ZNF385B: variants seen among roughly 807,000 people sequenced by gnomAD.
ZNF385B encodes the protein zinc finger protein 533.
In ZNF385B, 23 loss-of-function variants were observed where a neutral mutation model predicts 39.2. The ratio of observed to expected loss-of-function variants is 0.59; its 90% CI spans 0.42 to 0.83. ZNF385B has a LOEUF of 0.83. Among genes scored for constraint, ZNF385B ranks in the 40% least tolerant of loss-of-function variants. The pLI is 0.00. For synonymous variants in ZNF385B, 205 were observed against 222.6 expected (o/e 0.92, Z 0.70); for missense variants, 552 against 598.9 (o/e 0.92, Z 0.82).
At chr2:179,728,074 C>A (rs1294475929) in intron 3 of ZNF385B, among the ~76,000 whole-genome samples, 1 of 152,012 alleles carries the variant, frequency 6.6e-6, no homozygotes, top group African/African-American at 2.4e-5. Flanking sequence ...GAGCAACTGC[C>A]TTTTTGTCAG....
chr2:179,518,639 C>A lies in ZNF385B; in HGVS notation c.442-1G>T, dbSNP rs2058264438. The A allele has an allele frequency of 6.4e-7, 1 of 1,563,090 alleles. No individual in the cohort carries two copies. Among genetic ancestry groups the A allele is most frequent in the Admixed American group, 2.1e-5 (1 of 48,592 alleles). On this transcript the variant is annotated splice_acceptor_variant, in intron 4 of 9. Transcript: ENST00000410066. LOFTEE classifies it high-confidence loss of function. ...TAACCGCTTTTTGCACAGGATCCAT[C>A]TGAAGAACAAATGAAAAAATAGTCA...
intron 3 of ZNF385B, among the ~76,000 whole-genome samples, chr2:179,583,158 T>C (rs1253674220): frequency 6.6e-6 from 1 of 152,116 alleles, no homozygotes; most frequent in Non-Finnish European, 1.5e-5. Context: ...GTCTGCTGCT[T>C]GCCACATAGA....
chr2:179,784,264 G>A (rs1252767778), intron 1 of ZNF385B, among the ~76,000 whole-genome samples: 1 of 151,942 alleles, frequency 6.6e-6, no homozygotes, highest in Non-Finnish European at 1.5e-5. Context: ...TAAGTGAGAT[G>A]ATAAGAACTT....
intron 5 of ZNF385B, among the ~76,000 whole-genome samples, chr2:179,516,112 T>G (rs751613992): frequency 8.3e-4 from 5 of 6,034 alleles, no homozygotes; most frequent in Non-Finnish European, 3.2e-3. Flanking sequence ...TCTTTTTACT[T>G]TTACTTTATT....
intron 3 of ZNF385B, among the ~76,000 whole-genome samples, chr2:179,669,270 C>T (rs1330102859): frequency 2.0e-5 from 3 of 152,204 alleles, no homozygotes; most frequent in South Asian, 2.1e-4. Context: ...GCCCTGCAGC[C>T]GGACCCTTTA....
chr2:179,592,884 G>A (rs1290623016), intron 3 of ZNF385B, among the ~76,000 whole-genome samples: 3 of 151,930 alleles, frequency 2.0e-5, no homozygotes, highest in Admixed American at 2.0e-4. Flanking sequence ...AAGTCTCTAC[G>A]ACCTTATATT....
chr2:179,495,848 T>C (rs1481723775), intron 5 of ZNF385B, among the ~76,000 whole-genome samples: 3 of 152,130 alleles, frequency 2.0e-5, no homozygotes, highest in Admixed American at 2.0e-4. Flanking sequence ...ACCCAAGTCC[T>C]TTCAAATATC....
In ZNF385B at chr2:179,769,484, C is replaced by T. The variant is rs1042230474; in HGVS notation, c.298+19G>A. The T allele has an allele frequency of 9.9e-6, 16 of 1,612,110 alleles. No individual in the cohort carries two copies. The highest frequency in any genetic ancestry group is 5.0e-5 in the Admixed American group (3 of 60,008). On this transcript the variant is annotated intron_variant, in intron 3 of 9. Transcript: ENST00000410066. Reference sequence around the variant, plus strand: ...CATCTCTCCCCGCAGCACATGGAACCCGGGACCCTGCCTCCTACCTGTGCT... The same window carrying T: ...CATCTCTCCCCGCAGCACATGGAACTCGGGACCCTGCCTCCTACCTGTGCT...
At chr2:179,455,915 G>A (rs1243257886) in intron 6 of ZNF385B, among the ~76,000 whole-genome samples, 2 of 151,332 alleles carry the variant, frequency 1.3e-5, no homozygotes, top group South Asian at 2.1e-4. Flanking sequence ...TCCAGTCTCG[G>A]GTATGTCTTT....
chr2:179,788,219 A>C (rs976845061), intron 1 of ZNF385B, among the ~76,000 whole-genome samples: 3 of 152,198 alleles, frequency 2.0e-5, no homozygotes, highest in Admixed American at 2.0e-4. Flanking sequence ...ACACACGCAC[A>C]CACACATAAT....
At chr2:179,773,579 A>C (rs1260987619) in intron 1 of ZNF385B, among the ~76,000 whole-genome samples, 2 of 152,148 alleles carry the variant, frequency 1.3e-5, no homozygotes, top group Non-Finnish European at 1.5e-5. Flanking sequence ...CACAATTCTT[A>C]TATTATTGGT....
At chr2:179,491,020 C>T (rs901752811) in intron 5 of ZNF385B, among the ~76,000 whole-genome samples, 5 of 152,106 alleles carry the variant, frequency 3.3e-5, no homozygotes, top group Non-Finnish European at 2.9e-5. Flanking sequence ...TAAAGTTAAT[C>T]TCAGATGATT....
chr2:179,599,972 A>G (rs1322905029), intron 3 of ZNF385B, among the ~76,000 whole-genome samples: 2 of 152,204 alleles, frequency 1.3e-5, no homozygotes, highest in African/African-American at 2.4e-5. Flanking sequence ...TTCATGGTAC[A>G]TGGATTGCGT....
intron 4 of ZNF385B, among the ~76,000 whole-genome samples, chr2:179,543,653 C>T (rs1486987240): frequency 2.0e-5 from 3 of 151,914 alleles, no homozygotes; most frequent in African/African-American, 4.8e-5. Context: ...GAACAATGCT[C>T]GCCTTTTGTA....
intron 3 of ZNF385B, among the ~76,000 whole-genome samples, chr2:179,667,660 T>G (rs187528549): frequency 1.3e-5 from 2 of 152,270 alleles, no homozygotes; most frequent in Admixed American, 1.3e-4. Flanking sequence ...GTGGAGTAAA[T>G]GCTGGAAAGT....
chr2:179,540,090 C>T (rs968330891), intron 4 of ZNF385B, among the ~76,000 whole-genome samples: 4 of 152,186 alleles, frequency 2.6e-5, no homozygotes, highest in African/African-American at 9.7e-5. Flanking sequence ...ACCAGCCAAA[C>T]AGAGAGAGCT....
chr2:179,523,801 A>T (rs1484446345), intron 4 of ZNF385B, among the ~76,000 whole-genome samples: 3 of 152,122 alleles, frequency 2.0e-5, no homozygotes, highest in Non-Finnish European at 1.5e-5. Context: ...TATCTGTACT[A>T]TTTATTTTAT....
chr2:179,736,492 G>A (rs182343489), intron 3 of ZNF385B, among the ~76,000 whole-genome samples: 4 of 152,212 alleles, frequency 2.6e-5, no homozygotes, highest in East Asian at 1.9e-4. Flanking sequence ...GAAGTTTGCC[G>A]TTTAGCATGA....
chr2:179,593,843 G>T (rs1167257814), intron 3 of ZNF385B, among the ~76,000 whole-genome samples: 1 of 152,166 alleles, frequency 6.6e-6, no homozygotes, highest in Non-Finnish European at 1.5e-5. Flanking sequence ...AGGCCAGGAA[G>T]GCCCCAAGAA....
Sources: allele counts gnomAD v4.1 joint callset (sites outside exome capture counted in the v4.1 genomes callset), GRCh38; gene constraint gnomAD v4.1.1; transcripts MANE v1.5; gene names NCBI Gene and HGNC (gene_info 2026-07-23, HGNC 2026-07-21).